Variants in NRG1 observed in about 807,000 individuals in gnomAD.
NRG1 encodes the protein neuregulin 1.
NRG1 carries 18 observed loss-of-function variants against 63.8 expected under a neutral mutation model. That is an observed-to-expected ratio of 0.28 (90% confidence interval 0.19 to 0.42). The LOEUF (loss-of-function observed/expected upper bound fraction) is 0.42, where lower values mean the gene tolerates loss of function less well. Among genes scored for constraint, NRG1 ranks in the 10% least tolerant of loss-of-function variants. The probability of loss-of-function intolerance (pLI) is 1.00; values close to 1 mark genes in which losing one functional copy is unlikely to be tolerated. For missense variants in NRG1, 762 were observed against 814.7 expected, an observed-to-expected ratio of 0.94 and a Z score of 0.79; for synonymous variants, 302 against 301.3, an observed-to-expected ratio of 1.00 and a Z score of -0.02.
intron 1 of NRG1, among the ~76,000 whole-genome samples, chr8:31,723,821 A>G (rs1368153372): frequency 6.6e-6 from 1 of 152,182 alleles, no homozygotes; most frequent in Non-Finnish European, 1.5e-5. Flanking sequence ...TTGAGTGAGC[A>G]TTCGAAGTAC....
chr8:32,187,291 A>G (rs986145665), intron 1 of NRG1, among the ~76,000 whole-genome samples: 4 of 152,082 alleles, frequency 2.6e-5, no homozygotes, highest in African/African-American at 9.7e-5. Flanking sequence ...ACCAATGCTG[A>G]TTTTGATTTC....
intron 1 of NRG1, among the ~76,000 whole-genome samples, chr8:32,095,876 A>G (rs1003966674): frequency 5.9e-5 from 9 of 152,236 alleles, no homozygotes; most frequent in Non-Finnish European, 1.5e-5. Flanking sequence ...AATAAAAGAT[A>G]TAGAAGCCTG....
At chr8:31,831,245 G>A (rs969780177) in intron 1 of NRG1, among the ~76,000 whole-genome samples, 7 of 151,932 alleles carry the variant, frequency 4.6e-5, no homozygotes, top group African/African-American at 1.7e-4. Context: ...GGTATTACAG[G>A]CACACACCAC....
intron 7 of NRG1, among the ~76,000 whole-genome samples, chr8:32,743,984 T>C (rs1306908783): frequency 6.6e-6 from 1 of 152,020 alleles, no homozygotes; most frequent in Non-Finnish European, 1.5e-5. Context: ...AAATCTTTAT[T>C]TACAAAAGCA....
Position 31,855,535 on chromosome 8 carries a change from C to T in NRG1, c.37+216104C>T, listed in dbSNP as rs375496479. Among the ~76,000 whole-genome samples the T allele has an allele frequency of 7.3e-4, 111 of 152,272 alleles. 2 individuals are homozygous for T. In the East Asian group the frequency reaches 7.5e-3, roughly 10 times the overall value. On this transcript the variant is annotated intron_variant, in intron 1 of 10. Transcript: ENST00000519301. ...GCACGTGAGATGGGTTTCCTGAATACAGCACACTGATGGGTCTTGACTTTT... is the reference window on the plus strand; with the variant it reads ...GCACGTGAGATGGGTTTCCTGAATATAGCACACTGATGGGTCTTGACTTTT...
At chr8:32,075,883 G>A (rs367670947) in intron 1 of NRG1, among the ~76,000 whole-genome samples, 11 of 152,290 alleles carry the variant, frequency 7.2e-5, no homozygotes, top group African/African-American at 2.6e-4. Context: ...GTCTTGGCCA[G>A]GCTGGTCTCA....
At chr8:32,211,914 T>G (rs1563914156) in intron 1 of NRG1, among the ~76,000 whole-genome samples, 1 of 152,200 alleles carries the variant, frequency 6.6e-6, no homozygotes, top group South Asian at 2.1e-4. Flanking sequence ...TTGTGAACTT[T>G]ATTTTTTACA....
chr8:31,850,608 G>A (rs762564627), intron 1 of NRG1, among the ~76,000 whole-genome samples: 2 of 152,098 alleles, frequency 1.3e-5, no homozygotes, highest in Non-Finnish European at 2.9e-5. Context: ...CTGCTCACTT[G>A]CTTTCTGGCC....
chr8:31,910,667 T>C (rs1339576341), intron 1 of NRG1, among the ~76,000 whole-genome samples: 2 of 152,190 alleles, frequency 1.3e-5, no homozygotes, highest in Admixed American at 1.3e-4. Context: ...GGGTCAGAGA[T>C]AGATATTTCA....
intron 1 of NRG1, among the ~76,000 whole-genome samples, chr8:31,969,322 CA>C (rs1806895803): frequency 6.6e-6 from 1 of 152,132 alleles, no homozygotes; most frequent in Non-Finnish European, 1.5e-5. Context: ...ATTTTGGGAT[CA>C]TTTTTTAAAG....
intron 1 of NRG1, among the ~76,000 whole-genome samples, chr8:31,923,720 T>G (rs1288337844): frequency 6.6e-6 from 1 of 152,138 alleles, no homozygotes; most frequent in Non-Finnish European, 1.5e-5. Flanking sequence ...TTATTATTTT[T>G]TGTATATGTC....
chr8:32,605,956 G>A (rs1845188389), intron 3 of NRG1, among the ~76,000 whole-genome samples: 1 of 151,516 alleles, frequency 6.6e-6, no homozygotes, highest in South Asian at 2.1e-4. Context: ...AAAATATAGG[G>A]GCTATACTAT....
chr8:32,100,868 C>T (rs1029909758), intron 1 of NRG1, among the ~76,000 whole-genome samples: 3 of 152,106 alleles, frequency 2.0e-5, no homozygotes, highest in Non-Finnish European at 4.4e-5. Flanking sequence ...TTCAGGGAAT[C>T]TGAAAGAAAT....
At chr8:32,126,825 G>A (rs1445963328) in intron 1 of NRG1, among the ~76,000 whole-genome samples, 1 of 151,846 alleles carries the variant, frequency 6.6e-6, no homozygotes, top group Non-Finnish European at 1.5e-5. Context: ...CAGAGTCTTA[G>A]CTGTGCATTG....
chr8:32,631,066 CAATT>C (rs1314564709), intron 5 of NRG1, among the ~76,000 whole-genome samples: 3 of 152,104 alleles, frequency 2.0e-5, no homozygotes, highest in African/African-American at 7.2e-5. Flanking sequence ...TACAAACACA[CAATT>C]AATTATATCT....
rs575339307 is a variant in NRG1, at chr8:32,437,058, G to A, written c.38-158770G>A. Among the ~76,000 whole-genome samples, 12 of 151,998 alleles carry A rather than the reference G, an allele frequency of 7.9e-5. No individual in the cohort carries two copies. The East Asian group carries it at 2.3e-3, about 29-fold the overall frequency. On this transcript the variant is annotated intron_variant, in intron 1 of 10. Coordinates refer to the NRG1 transcript ENST00000519301. ...CACCTACTCATCATAATATTGTGTGGGGATCAATGGGAGAGATATTTGGCC... is the reference window on the plus strand; with the variant it reads ...CACCTACTCATCATAATATTGTGTGAGGATCAATGGGAGAGATATTTGGCC...
At chr8:32,486,770 G>A (rs529962656) in intron 1 of NRG1, among the ~76,000 whole-genome samples, 10 of 152,048 alleles carry the variant, frequency 6.6e-5, no homozygotes, top group African/African-American at 2.4e-4. Flanking sequence ...GATTACAGGT[G>A]TGTGCTCCCA....
intron 1 of NRG1, among the ~76,000 whole-genome samples, chr8:31,852,365 G>A (rs1237108297): frequency 2.6e-5 from 4 of 151,348 alleles, no homozygotes; most frequent in Non-Finnish European, 5.9e-5. Flanking sequence ...GCCAGTGATG[G>A]TGAGCATTTT....
At chr8:31,780,100 G>A (rs1819536075) in intron 1 of NRG1, among the ~76,000 whole-genome samples, 1 of 152,202 alleles carries the variant, frequency 6.6e-6, no homozygotes. Context: ...TTCTGATGAT[G>A]AGTCTTTATA....
Sources: gnomAD v4.1 joint callset for allele counts (sites outside exome capture counted in the v4.1 genomes callset) on GRCh38, gnomAD v4.1.1 for gene constraint, MANE v1.5 for transcripts, NCBI Gene and HGNC (gene_info 2026-07-23, HGNC 2026-07-21) for gene names.